The following PLEKHA2 variants were observed in gnomAD, a reference collection of about 807,000 sequenced individuals.
PLEKHA2 encodes the protein pleckstrin homology domain-containing family A member 2.
PLEKHA2 carries 28 observed loss-of-function variants against 53.2 expected under a neutral mutation model. That is an observed-to-expected ratio of 0.53 (90% CI 0.39 to 0.72). The LOEUF (loss-of-function observed/expected upper bound fraction) is 0.72. Ranked by LOEUF, PLEKHA2 falls within the 30% of genes least tolerant of loss-of-function variation. The pLI, the probability that PLEKHA2 is intolerant of heterozygous loss-of-function variation, is 0.00. For synonymous variants in PLEKHA2, 193 were observed against 196.4 expected (o/e 0.98, Z 0.14); for missense variants, 426 against 537.9 (o/e 0.79, Z 2.06).
At chr8:38,934,984 AT>A (rs1397720413) in intron 2 of PLEKHA2, among the ~76,000 whole-genome samples, 1 of 152,134 alleles carries the variant, frequency 6.6e-6, no homozygotes, top group African/African-American at 2.4e-5. Context: ...ACCAGGGACA[AT>A]TAATTCCAAG....
chr8:38,968,523 A>G (rs1342740449), intron 10 of PLEKHA2, 69 bp from the exon 11 acceptor site: 2 of 1,451,498 alleles, frequency 1.4e-6, no homozygotes, highest in Non-Finnish European at 1.9e-6. Context: ...CTTAATATTG[A>G]GTCAGAGACT....
At chr8:38,942,431 C>A (rs1307602219) in intron 3 of PLEKHA2, among the ~76,000 whole-genome samples, 1 of 151,974 alleles carries the variant, frequency 6.6e-6, no homozygotes, top group Admixed American at 6.6e-5. Context: ...CCTCCAGCTT[C>A]CTGTCTCAAA....
At chr8:38,918,213 C>T in intron 2 of PLEKHA2, 143 bp downstream of exon 2, 2 of 1,078,976 alleles carry the variant, frequency 1.9e-6, no homozygotes. Flanking sequence ...CTACAACACA[C>T]ACAGACACAC....
intron 10 of PLEKHA2, among the ~76,000 whole-genome samples, chr8:38,961,180 C>G (rs1457863642): frequency 6.6e-6 from 1 of 152,064 alleles, no homozygotes; most frequent in Non-Finnish European, 1.5e-5. Context: ...AAAAATCTAC[C>G]AAATACCTAA....
chr8:38,972,822 A>G lies in PLEKHA2; in HGVS notation c.*3039A>G, dbSNP rs1016247396. 6.6e-6 allele frequency: 1 copy of G among 152,132 alleles called. No homozygotes were observed. The highest frequency in any genetic ancestry group is 1.9e-4 in the East Asian group (1 of 5,196). The allele number at this position is 152,132 out of a possible 1,614,324, so 9.4% of individuals were successfully genotyped here. On this transcript the variant is annotated 3_prime_UTR_variant, in exon 12 of 12. Transcript: ENST00000617275. Reference sequence around the variant, plus strand: ...ATGTACTGCATTTTCTTTGTGGAATAAAAGCCTTGCCTGAGTTGTGCTATT... The same window carrying G: ...ATGTACTGCATTTTCTTTGTGGAATGAAAGCCTTGCCTGAGTTGTGCTATT...
rs939014207 is a variant in PLEKHA2 at position 38,972,082 on chromosome 8, C to T, written c.*2299C>T. 1 of 152,136 alleles carries T rather than the reference C, an allele frequency of 6.6e-6. No homozygotes were observed. Among genetic ancestry groups the T allele is most frequent in the Non-Finnish European group, 1.5e-5 (1 of 68,026 alleles). 9.4% of individuals were successfully genotyped at this position (152,136 alleles called of 1,614,324 possible). A position where few individuals can be genotyped will look rare whatever the true frequency, so the allele number is the denominator to read the frequency against. On this transcript the variant is annotated 3_prime_UTR_variant, in exon 12 of 12. Transcript: ENST00000617275. ...ATACATAGAATCCATATGGTATTAT[C>T]CTGATAAAGGGAAACGAGGACACTA...
chr8:38,917,798 G>A, intron 1 of PLEKHA2, 109 bp from the exon 2 acceptor site: 1 of 1,284,032 alleles, frequency 7.8e-7, no homozygotes, highest in Non-Finnish European at 1.1e-6. Context: ...TGCCCCCACG[G>A]AAGGAAGCTG....
At chr8:38,944,933 G>A (rs1834681654) in intron 4 of PLEKHA2, among the ~76,000 whole-genome samples, 1 of 102,268 alleles carries the variant, frequency 9.8e-6, no homozygotes, top group South Asian at 2.9e-4. Flanking sequence ...GCTGAGAAAT[G>A]TTGTGCTCAG....
At chr8:38,928,858 A>C (rs1357712389) in intron 2 of PLEKHA2, among the ~76,000 whole-genome samples, 1 of 152,166 alleles carries the variant, frequency 6.6e-6, no homozygotes, top group Non-Finnish European at 1.5e-5. Flanking sequence ...TACAGGGCAG[A>C]GGGGAGGAGA....
chr8:38,963,587 T>C (rs1161960203), intron 10 of PLEKHA2, among the ~76,000 whole-genome samples: 1 of 152,126 alleles, frequency 6.6e-6, no homozygotes, highest in Non-Finnish European at 1.5e-5. Flanking sequence ...CTAGGAGAGA[T>C]TATAGGCCAG....
intron 10 of PLEKHA2, among the ~76,000 whole-genome samples, chr8:38,966,596 C>T (rs1269142103): frequency 2.0e-5 from 3 of 152,158 alleles, no homozygotes; most frequent in Non-Finnish European, 4.4e-5. Context: ...CAGGCTCCAC[C>T]GGCAGTAGCG....
Position 38,918,073 on chromosome 8 carries a change from G to A in PLEKHA2, c.141+3G>A, listed in dbSNP as rs757115230. 5.6e-6 allele frequency: 9 copies of A among 1,611,890 alleles called. No individual in the cohort carries two copies. In the South Asian group the frequency reaches 9.9e-5, roughly 18 times the overall value. ...TCTGGTATATGGACAACCCCCAGGT[G>A]AGAGGGTCAGTGGGAAGGGGTGGGG... On this transcript the variant is annotated splice_donor_region_variant and intron_variant, in intron 2 of 11. Coordinates refer to ENST00000617275, the MANE Select transcript of PLEKHA2 (RefSeq NM_021623.2).
At chr8:38,902,597 C>T (rs1419787364) in intron 1 of PLEKHA2, among the ~76,000 whole-genome samples, 1 of 152,164 alleles carries the variant, frequency 6.6e-6, no homozygotes, top group African/African-American at 2.4e-5. Flanking sequence ...CAAGATTGCA[C>T]TAATGGTGTT....
rs1425825736 is a variant in PLEKHA2, at chr8:38,922,859, T to C, written c.141+4789T>C. On this transcript the variant is annotated intron_variant, in intron 2 of 11. Coordinates refer to ENST00000617275, the MANE Select transcript of PLEKHA2 (RefSeq NM_021623.2). The surrounding 1 kb of genome is among the most constrained non-coding windows in gnomAD (Gnocchi z 4.0). ...GTCTGTTGTTACTCTTTGCTCATGG[T>C]TGTGCAGGTGGTAAATGCAGCGCTG... Among the ~76,000 whole-genome samples the C allele has an allele frequency of 6.6e-6, 1 of 152,202 alleles. No individual in the cohort carries two copies. Among genetic ancestry groups the C allele is most frequent in the Admixed American group, 6.5e-5 (1 of 15,274 alleles).
chr8:38,918,069 A>T lies in PLEKHA2; in HGVS notation c.140A>T (p.Gln47Leu), dbSNP rs1336602800. ...CTCCTCTGGTATATGGACAACCCCCAGGTGAGAGGGTCAGTGGGAAGGGGT... is the reference window on the plus strand; with the variant it reads ...CTCCTCTGGTATATGGACAACCCCCTGGTGAGAGGGTCAGTGGGAAGGGGT... ...NCLLWYMDNPQNLAMGAGAVG... is the reference protein window; with the variant it reads ...NCLLWYMDNPLNLAMGAGAVG... The change falls in exon 2 of 12, where the codon CAG becomes CTG. Residue 47 changes from glutamine to leucine, a missense_variant and splice_region_variant. Transcript: ENST00000617275. The T allele has an allele frequency of 1.9e-6, 3 of 1,612,248 alleles. No homozygotes were observed. The highest frequency in any genetic ancestry group is 2.5e-6 in the Non-Finnish European group (3 of 1,179,158).
chr8:38,940,314 G>T (rs1221349521), intron 3 of PLEKHA2, among the ~76,000 whole-genome samples: 2 of 151,992 alleles, frequency 1.3e-5, no homozygotes, highest in African/African-American at 4.8e-5. Flanking sequence ...CAGGAGAATC[G>T]CTTGAACCTG....
At chr8:38,968,826 G>T in intron 11 of PLEKHA2, 157 bp downstream of exon 11, 1 of 646,188 alleles carries the variant, frequency 1.5e-6, no homozygotes, top group Non-Finnish European at 2.6e-6. Flanking sequence ...ACTAATTTGG[G>T]TACACATTTT....
At chr8:38,918,524 ATG>A (rs1834111257) in intron 2 of PLEKHA2, among the ~76,000 whole-genome samples, 6 of 146,668 alleles carry the variant, frequency 4.1e-5, no homozygotes, top group East Asian at 2.0e-4. Context: ...CCATACACAC[ATG>A]CACACACACC....
chr8:38,920,951 C>T (rs1393568287), intron 2 of PLEKHA2, among the ~76,000 whole-genome samples: 2 of 152,124 alleles, frequency 1.3e-5, no homozygotes, highest in African/African-American at 4.8e-5. Context: ...CAGGCGTCAG[C>T]CACCACGCCC....
Sources: allele counts gnomAD v4.1 joint callset (sites outside exome capture counted in the v4.1 genomes callset), GRCh38; gene constraint gnomAD v4.1.1; non-coding constraint Gnocchi (gnomAD v3.1); transcripts MANE v1.5; gene names NCBI Gene and HGNC (gene_info 2026-07-23, HGNC 2026-07-21).